PRICKLE2: variants seen among roughly 807,000 people sequenced by gnomAD.
PRICKLE2 encodes prickle planar cell polarity protein 2.
A neutral mutation model predicts 81.4 loss-of-function variants in PRICKLE2; 21 were observed. That is an observed-to-expected ratio of 0.26 (90% CI 0.18 to 0.37). PRICKLE2 has a LOEUF of 0.37. Among genes scored for constraint, PRICKLE2 ranks in the 10% least tolerant of loss-of-function variants. The probability of loss-of-function intolerance (pLI) is 1.00; values close to 1 mark genes in which losing one functional copy is unlikely to be tolerated. For missense variants in PRICKLE2, 940 were observed against 1,109.0 expected, an observed-to-expected ratio of 0.85 and a Z score of 2.16; for synonymous variants, 456 against 421.5, an observed-to-expected ratio of 1.08 and a Z score of -1.00.
At chr3:64,156,639 T>A (rs2077639716) in intron 5 of PRICKLE2, among the ~76,000 whole-genome samples, 1 of 152,298 alleles carries the variant, frequency 6.6e-6, no homozygotes, top group South Asian at 2.1e-4. Context: ...GGCAGAGACA[T>A]CCAAATGAAG....
chr3:64,242,677 C>T (rs2079285174), intron 2 of PRICKLE2, among the ~76,000 whole-genome samples: 2 of 152,264 alleles, frequency 1.3e-5, no homozygotes, highest in Admixed American at 1.3e-4. Flanking sequence ...CCCCTACACT[C>T]ACATTGGGCC....
At chr3:64,150,663 T>A (rs2077530311) in intron 6 of PRICKLE2, among the ~76,000 whole-genome samples, 2 of 152,250 alleles carry the variant, frequency 1.3e-5, no homozygotes, top group African/African-American at 2.4e-5. Context: ...GCTGCGGCTA[T>A]CCCCACTCCC....
intron 7 of PRICKLE2, among the ~76,000 whole-genome samples, chr3:64,137,410 G>GTGTTGCCTTTTCA (rs2077294643): frequency 6.6e-6 from 1 of 152,156 alleles, no homozygotes; most frequent in Non-Finnish European, 1.5e-5. Context: ...GAATTTTCCA[G>GTGTTGCCTTTTCA]TGTTGCCTTT....
chr3:64,176,090 A>G (rs1214881968), intron 2 of PRICKLE2, among the ~76,000 whole-genome samples: 1 of 152,194 alleles, frequency 6.6e-6, no homozygotes, highest in East Asian at 1.9e-4. Context: ...GGTAAGGGTA[A>G]GAGGCAGATG....
At chr3:64,178,973 T>TTC (rs1257068079) in intron 2 of PRICKLE2, among the ~76,000 whole-genome samples, 1 of 84,530 alleles carries the variant, frequency 1.2e-5, no homozygotes, top group African/African-American at 5.0e-5. Context: ...TTTTCTTTCT[T>TTC]TCTTTCTTTC....
chr3:64,163,347 C>G (rs150499952), intron 2 of PRICKLE2: 55 of 598,544 alleles, frequency 9.2e-5, no homozygotes, highest in African/African-American at 7.2e-4. Flanking sequence ...ATTTTTCCCT[C>G]TCTCTGTGAG....
At chr3:64,241,976 C>A (rs222338) in intron 2 of PRICKLE2, among the ~76,000 whole-genome samples, 15,251 of 152,256 alleles carry the variant, frequency 0.1, 1,296 homozygotes, top group African/African-American at 0.23. Flanking sequence ...ACCTCATACC[C>A]TGCAAATGAG....
chr3:64,112,511 A>C (rs1044060863), intron 7 of PRICKLE2, among the ~76,000 whole-genome samples: 3 of 152,198 alleles, frequency 2.0e-5, no homozygotes, highest in African/African-American at 7.2e-5. Flanking sequence ...AATAATTTTT[A>C]AATGGATGGG....
At chr3:64,215,861 G>A (rs1015671131) in intron 1 of PRICKLE2, among the ~76,000 whole-genome samples, 1 of 152,168 alleles carries the variant, frequency 6.6e-6, no homozygotes. Flanking sequence ...TTGAAAGAAC[G>A]CCTCAAGTAC....
At chr3:64,193,234 G>C (rs182945771) in intron 2 of PRICKLE2, among the ~76,000 whole-genome samples, 1 of 152,286 alleles carries the variant, frequency 6.6e-6, no homozygotes, top group African/African-American at 2.4e-5. Context: ...CAGCTCCATG[G>C]TGCTCAATGA....
At chr3:64,207,975 T>C (rs73126850) in intron 1 of PRICKLE2, among the ~76,000 whole-genome samples, 53,848 of 152,152 alleles carry the variant, frequency 0.35, 11,461 homozygotes, top group Admixed American at 0.47. Context: ...ATCTGCTCTG[T>C]AGCCCATTTT....
chr3:64,115,484 A>G (rs2076919809), intron 7 of PRICKLE2, among the ~76,000 whole-genome samples: 1 of 152,188 alleles, frequency 6.6e-6, no homozygotes, highest in Non-Finnish European at 1.5e-5. Context: ...CACAGGCTCA[A>G]AATAAAGAGA....
chr3:64,170,895 T>A (rs573197705), intron 2 of PRICKLE2, among the ~76,000 whole-genome samples: 289 of 151,148 alleles, frequency 1.9e-3, no homozygotes, highest in Non-Finnish European at 3.6e-3. Context: ...AACAAAACAA[T>A]ACAAAACAAA....
intron 7 of PRICKLE2, among the ~76,000 whole-genome samples, chr3:64,116,286 A>G (rs1056946443): frequency 3.9e-5 from 6 of 152,176 alleles, no homozygotes; most frequent in African/African-American, 1.4e-4. Flanking sequence ...AAACTAAAAG[A>G]ACTAGAGAAT....
rs2077466613 is a variant in PRICKLE2 at position 64,146,990 on chromosome 3, G to A, written c.1500C>T (p.Val500=). 6.2e-7 allele frequency: 1 copy of A among 1,614,090 alleles called. No individual in the cohort carries two copies. Among genetic ancestry groups the A allele is most frequent in the African/African-American group, 1.3e-5 (1 of 75,012 alleles). The change falls in exon 7 of 8, where the codon GTC becomes GTT. Residue 500 remains valine (V), a synonymous_variant. Transcript: ENST00000638394. The part of the protein sequence containing the change: ...SFSETRGSIQ[V]PKYEEEEEEE... ...CTTCCTCTTCCTCCTCATATTTGGG[G>A]ACTTGGATGCTGCCTCGGGTCTCAC... is the stretch of plus-strand genomic sequence containing the variant.
chr3:64,144,268 T>C (rs2077408876), intron 7 of PRICKLE2, among the ~76,000 whole-genome samples: 1 of 152,244 alleles, frequency 6.6e-6, no homozygotes. Context: ...ATCCCTGCTC[T>C]ACCACTCTGA....
Position 64,099,396 on chromosome 3 carries a change from C to T in PRICKLE2, c.2190G>A (p.Arg730=), listed in dbSNP as rs1245427873. Residue 730 remains arginine (R), a synonymous_variant, in exon 8 of 8, where the codon CGG becomes CGA. Coordinates refer to ENST00000638394, the MANE Select transcript of PRICKLE2 (RefSeq NM_198859.4). The surrounding 1 kb of genome is among the most constrained non-coding windows in gnomAD (Gnocchi z 4.3). ...CATGCCCCATGCTCTCCTGGAAGCTCCGCTGGCGCATAAATTGGTCATAGT... is the reference window on the plus strand; with the variant it reads ...CATGCCCCATGCTCTCCTGGAAGCTTCGCTGGCGCATAAATTGGTCATAGT... The part of the protein sequence containing the change: ...REDYDQFMRQ[R]SFQESMGHGS... The T allele has an allele frequency of 6.2e-7, 1 of 1,601,470 alleles. No homozygotes were observed. The highest frequency in any genetic ancestry group is 8.5e-7 in the Non-Finnish European group (1 of 1,171,276).
chr3:64,265,182 CA>C (rs970761808), intron 2 of PRICKLE2, among the ~76,000 whole-genome samples: 3 of 151,900 alleles, frequency 2.0e-5, no homozygotes, highest in East Asian at 3.9e-4. Flanking sequence ...AACAAACAAA[CA>C]AAAAAAACTG....
At chr3:64,232,446 A>T (rs749366482) in intron 2 of PRICKLE2, among the ~76,000 whole-genome samples, 4 of 152,318 alleles carry the variant, frequency 2.6e-5, no homozygotes, top group Non-Finnish European at 5.9e-5. Flanking sequence ...TACTCTTGTG[A>T]GTGGGAAAGG....
Sources: gnomAD v4.1 joint callset for allele counts (sites outside exome capture counted in the v4.1 genomes callset) on GRCh38, gnomAD v4.1.1 for gene constraint, Gnocchi (gnomAD v3.1) non-coding constraint, MANE v1.5 for transcripts, NCBI Gene and HGNC (gene_info 2026-07-23, HGNC 2026-07-21) for gene names.